RAF1: variants seen among roughly 807,000 people sequenced by gnomAD.
RAF1 encodes Raf-1 proto-oncogene, serine/threonine kinase.
RAF1 carries 27 observed loss-of-function variants against 81.1 expected under a neutral mutation model. That is an observed-to-expected ratio of 0.33 (90% CI 0.25 to 0.46). The LOEUF (loss-of-function observed/expected upper bound fraction) is 0.46, where lower values mean the gene tolerates loss of function less well. Ranked by LOEUF, RAF1 falls within the 20% of genes least tolerant of loss-of-function variation. RAF1 has a pLI of 1.00. For missense variants in RAF1, 598 were observed against 826.0 expected (o/e 0.72, Z 3.38); for synonymous variants, 298 against 294.0 (o/e 1.01, Z -0.14).
chr3:12,650,668 G>A lies in RAF1; in HGVS notation c.-27+13145C>T, dbSNP rs5746160. Among the ~76,000 whole-genome samples, 1,051 of 152,288 alleles carry A rather than the reference G, an allele frequency of 6.9e-3. 5 individuals carry two copies. Among genetic ancestry groups the A allele is most frequent in the African/African-American group, 0.024 (991 of 41,558 alleles). ...TGTTAGCTGCTTTGAGGAATATAAA[G>A]TTCAGGGAGACATGGTCCTTGCATT... On this transcript the variant is annotated intron_variant, in intron 1 of 17. Coordinates refer to ENST00000442415, the MANE Select transcript of RAF1 (RefSeq NM_001354689.3).
At chr3:12,604,047 G>C (rs2125396059) in intron 7 of RAF1, 89 bp downstream of exon 7, 1 of 1,434,584 alleles carries the variant, frequency 7.0e-7, no homozygotes. Flanking sequence ...AACATTCCTT[G>C]ATCAGATTTG....
chr3:12,653,944 A>T (rs1318547538), intron 1 of RAF1, among the ~76,000 whole-genome samples: 1 of 152,042 alleles, frequency 6.6e-6, no homozygotes, highest in African/African-American at 2.4e-5. Context: ...TCAGGTCAGC[A>T]GCTGCGACTG....
intron 6 of RAF1, among the ~76,000 whole-genome samples, chr3:12,605,997 A>G (rs1234906805): frequency 1.3e-5 from 2 of 151,898 alleles, no homozygotes; most frequent in African/African-American, 4.8e-5. Flanking sequence ...AGTCAAAGTC[A>G]CTTTCCAGAA....
intron 1 of RAF1, among the ~76,000 whole-genome samples, chr3:12,656,400 T>C (rs1325423058): frequency 6.6e-6 from 1 of 152,092 alleles, no homozygotes; most frequent in Non-Finnish European, 1.5e-5. Context: ...GCACTCTACA[T>C]ATAATGCCCA....
At chr3:12,594,782 C>T (rs1185406905) in intron 11 of RAF1, among the ~76,000 whole-genome samples, 1 of 152,198 alleles carries the variant, frequency 6.6e-6, no homozygotes, top group Admixed American at 6.5e-5. Flanking sequence ...ACATATCACA[C>T]CTCTGATTAA....
rs770684760 is a variant in RAF1, at chr3:12,608,827, C to G, written c.520G>C (p.Glu174Gln). The change falls in exon 5 of 18, where the codon GAG becomes CAG. Residue 174 changes from glutamate to glutamine, a missense_variant. This residue lies in a region of RAF1 where 89 missense variants were observed against 169.2 expected (regional missense o/e 0.53). Coordinates refer to ENST00000442415, the MANE Select transcript of RAF1 (RefSeq NM_001354689.3). ...GTAGGTACTTTGGTGCTACAGTGCTCATGAAATTTGTAGCCACAAGTCTGA... is the reference window on the plus strand; with the variant it reads ...GTAGGTACTTTGGTGCTACAGTGCTGATGAAATTTGTAGCCACAAGTCTGA... 6.2e-7 allele frequency: 1 copy of G among 1,614,148 alleles called. No homozygotes were observed.
At chr3:12,662,297 C>A (rs2060902436) in intron 1 of RAF1, among the ~76,000 whole-genome samples, 2 of 138,012 alleles carry the variant, frequency 1.4e-5, no homozygotes, top group Non-Finnish European at 3.0e-5. Context: ...GATCATGCCA[C>A]TGCACTCTAG....
At chr3:12,592,125 C>G (rs2058535456) in intron 11 of RAF1, 7 of 372,668 alleles carry the variant, frequency 1.9e-5, no homozygotes, top group South Asian at 1.5e-4. Context: ...TACAGTTAGG[C>G]CTTCGATAGC....
intron 13 of RAF1, chr3:12,588,011 T>C (rs1285268890): frequency 6.7e-6 from 1 of 149,194 alleles, no homozygotes; most frequent in African/African-American, 2.7e-5. Flanking sequence ...CTTGCACTGT[T>C]GCCCAAGCTG....
intron 1 of RAF1, among the ~76,000 whole-genome samples, chr3:12,639,357 G>T (rs1364103269): frequency 6.6e-6 from 1 of 152,134 alleles, no homozygotes; most frequent in African/African-American, 2.4e-5. Flanking sequence ...ACATAGTGTC[G>T]GAAGTTCTGG....
chr3:12,653,752 T>G (rs1217159589), intron 1 of RAF1, among the ~76,000 whole-genome samples: 1 of 149,286 alleles, frequency 6.7e-6, no homozygotes, highest in Non-Finnish European at 1.5e-5. Context: ...AAAAAAAAAG[T>G]CATCTCTCAT....
chr3:12,656,065 CA>C (rs1469657080), intron 1 of RAF1, among the ~76,000 whole-genome samples: 1 of 148,772 alleles, frequency 6.7e-6, no homozygotes, highest in African/African-American at 2.5e-5. Flanking sequence ...ACACACACCC[CA>C]CCCCCAATCC....
chr3:12,619,834 G>A (rs1442545496), intron 1 of RAF1, among the ~76,000 whole-genome samples: 1 of 152,132 alleles, frequency 6.6e-6, no homozygotes, highest in Admixed American at 6.5e-5. Flanking sequence ...TGTAATCCCA[G>A]CACTTTGGGA....
Position 12,663,850 on chromosome 3 carries a change from G to A in RAF1, c.-64C>T, listed in dbSNP as rs976147149. ...GGCCGCCCCAACGTCCTGTCGTTCG[G>A]CGGCAGCTTCTCGCCCGCTCCTCCT... is the stretch of plus-strand genomic sequence containing the variant. On this transcript the variant is annotated 5_prime_UTR_variant, in exon 1 of 18. Coordinates refer to ENST00000442415, the MANE Select transcript of RAF1 (RefSeq NM_001354689.3). 3 of 397,818 alleles carry A rather than the reference G, an allele frequency of 7.5e-6. No homozygotes were observed. The highest frequency in any genetic ancestry group is 6.2e-5 in the African/African-American group (3 of 48,598). The allele number at this position is 397,818 out of a possible 1,614,324, so 24.6% of individuals were successfully genotyped here.
At chr3:12,648,703 A>G (rs1575665607) in intron 1 of RAF1, among the ~76,000 whole-genome samples, 1 of 152,158 alleles carries the variant, frequency 6.6e-6, no homozygotes, top group Admixed American at 6.6e-5. Context: ...CCGAGATCGC[A>G]CCACTGTCCT....
intron 13 of RAF1, 22 bp from the exon 13 acceptor site, chr3:12,587,659 T>C (rs748624022): frequency 8.1e-6 from 13 of 1,595,688 alleles, no homozygotes; most frequent in South Asian, 5.5e-5. Context: ...AAAGAAATTA[T>C]TAAAAATAAG....
intron 1 of RAF1, among the ~76,000 whole-genome samples, chr3:12,640,465 C>T (rs1036608439): frequency 1.3e-5 from 2 of 152,120 alleles, no homozygotes; most frequent in Non-Finnish European, 2.9e-5. Context: ...TTGCAATCTA[C>T]CCATCTGACA....
At chr3:12,633,706 C>A (rs1274754877) in intron 1 of RAF1, among the ~76,000 whole-genome samples, 8 of 151,046 alleles carry the variant, frequency 5.3e-5, no homozygotes, top group Non-Finnish European at 1.0e-4. Context: ...GAAGCCGAGG[C>A]GGGCGGATCA....
chr3:12,601,392 G>A (rs1410310288), intron 8 of RAF1, among the ~76,000 whole-genome samples: 2 of 152,124 alleles, frequency 1.3e-5, no homozygotes, highest in Non-Finnish European at 2.9e-5. Flanking sequence ...GAAAGCAAAG[G>A]CTATCTTTAG....
Sources: allele counts gnomAD v4.1 joint callset (sites outside exome capture counted in the v4.1 genomes callset), GRCh38; gene constraint gnomAD v4.1.1; regional missense constraint gnomAD v4.1.1; transcripts MANE v1.5; gene names NCBI Gene and HGNC (gene_info 2026-07-23, HGNC 2026-07-21).